Variants in DGKI observed in about 807,000 individuals in gnomAD.
DGKI encodes diacylglycerol kinase iota.
A neutral mutation model predicts 147.5 loss-of-function variants in DGKI; 55 were observed. The ratio of observed to expected loss-of-function variants is 0.37; its 90% confidence interval spans 0.30 to 0.47. DGKI has a LOEUF of 0.47. DGKI is among the 20% of genes least tolerant of loss of function. The pLI, the probability that DGKI is intolerant of heterozygous loss-of-function variation, is 1.00. For synonymous variants in DGKI, 469 were observed against 477.1 expected, an observed-to-expected ratio of 0.98 and a Z score of 0.22; for missense variants, 1,007 against 1,323.8, an observed-to-expected ratio of 0.76 and a Z score of 3.71.
intron 23 of DGKI, among the ~76,000 whole-genome samples, chr7:137,483,826 T>G (rs940269457): frequency 1.2e-4 from 19 of 152,144 alleles, no homozygotes; most frequent in African/African-American, 4.3e-4. Context: ...TGTACCACAC[T>G]TTCTTTATCC....
chr7:137,503,735 T>C (rs1380479181), intron 21 of DGKI, among the ~76,000 whole-genome samples: 2 of 152,172 alleles, frequency 1.3e-5, no homozygotes, highest in Admixed American at 1.3e-4. Context: ...TTTTACAATA[T>C]AGTATGTAAA....
chr7:137,475,594 A>C (rs906944320), intron 23 of DGKI, among the ~76,000 whole-genome samples: 1 of 152,212 alleles, frequency 6.6e-6, no homozygotes, highest in African/African-American at 2.4e-5. Flanking sequence ...ACTGTGATCA[A>C]CCTTTTTAAT....
At position 137,531,830 on chromosome 7, in the gene DGKI, T is replaced by G. The variant is rs552063349; in HGVS notation, c.2148-9864A>C. Reference sequence around the variant, plus strand: ...GTCATTTCACAGAAGAAAACACTTGTGGTCTTTCATACCAACCATGAAGAA... The same window carrying G: ...GTCATTTCACAGAAGAAAACACTTGGGGTCTTTCATACCAACCATGAAGAA... On this transcript the variant is annotated intron_variant, in intron 20 of 32. Coordinates refer to ENST00000614521, the MANE Select transcript of DGKI (RefSeq NM_001321708.2). 2.6e-5 allele frequency among the ~76,000 whole-genome samples: 4 copies of G among 152,338 alleles called. No homozygotes were observed. The South Asian group carries it at 8.3e-4, about 32-fold the overall frequency.
At chr7:137,446,991 C>T (rs554327783) in intron 27 of DGKI, among the ~76,000 whole-genome samples, 1 of 152,304 alleles carries the variant, frequency 6.6e-6, no homozygotes, top group African/African-American at 2.4e-5. Flanking sequence ...AGCATCTGCC[C>T]TTATAGTGTA....
chr7:137,561,435 G>A (rs1818416464), intron 19 of DGKI, among the ~76,000 whole-genome samples: 2 of 151,736 alleles, frequency 1.3e-5, no homozygotes, highest in South Asian at 4.2e-4. Context: ...GAAAGGGAGG[G>A]ACAGGAAAAA....
At chr7:137,555,225 C>T (rs909645168) in intron 19 of DGKI, among the ~76,000 whole-genome samples, 1 of 149,000 alleles carries the variant, frequency 6.7e-6, no homozygotes, top group African/African-American at 2.5e-5. Context: ...AAATTATTTT[C>T]TTTATTAAAA....
chr7:137,585,180 C>T (rs1276401370), intron 14 of DGKI, 29 bp downstream of exon 14: 4 of 1,613,460 alleles, frequency 2.5e-6, no homozygotes, highest in East Asian at 2.2e-5. Flanking sequence ...CTCCAGGGCT[C>T]CTTTCTGCAG....
At chr7:137,725,198 T>C (rs1329051701) in intron 1 of DGKI, among the ~76,000 whole-genome samples, 1 of 152,196 alleles carries the variant, frequency 6.6e-6, no homozygotes, top group African/African-American at 2.4e-5. Flanking sequence ...CTACTTCTTA[T>C]GCTTCTTTCC....
intron 32 of DGKI, among the ~76,000 whole-genome samples, chr7:137,392,456 T>G (rs1431972087): frequency 6.6e-6 from 1 of 152,184 alleles, no homozygotes. Context: ...AATAGCTCCA[T>G]GTACAAATGC....
chr7:137,397,601 A>C (rs1397924568), intron 30 of DGKI, among the ~76,000 whole-genome samples, 188 bp from the exon 31 acceptor site: 1 of 152,208 alleles, frequency 6.6e-6, no homozygotes. Flanking sequence ...TCCATGAACC[A>C]ATATGTACAG....
intron 20 of DGKI, chr7:137,546,092 A>C (rs1003141377): frequency 1.8e-6 from 1 of 552,938 alleles, no homozygotes; most frequent in African/African-American, 1.9e-5. Context: ...ATCACCGAAC[A>C]GCGAAGGAAA....
intron 1 of DGKI, among the ~76,000 whole-genome samples, chr7:137,777,606 A>G (rs1456271059): frequency 6.6e-6 from 1 of 152,254 alleles, no homozygotes; most frequent in African/African-American, 2.4e-5. Context: ...ACTTTAAGTC[A>G]TATCTCAACA....
intron 1 of DGKI, among the ~76,000 whole-genome samples, chr7:137,784,328 A>G (rs1282676912): frequency 6.6e-6 from 1 of 152,202 alleles, no homozygotes; most frequent in South Asian, 2.1e-4. Flanking sequence ...AGCAATTCTT[A>G]TATCAGGCAA....
chr7:137,511,134 A>G (rs1193047929), intron 21 of DGKI, among the ~76,000 whole-genome samples: 1 of 152,260 alleles, frequency 6.6e-6, no homozygotes, highest in African/African-American at 2.4e-5. Flanking sequence ...AGATTAGCTT[A>G]CACTTCCGCC....
At chr7:137,763,026 T>C (rs559375595) in intron 1 of DGKI, among the ~76,000 whole-genome samples, 2 of 152,368 alleles carry the variant, frequency 1.3e-5, no homozygotes, top group East Asian at 1.9e-4. Context: ...TTGATTTCCA[T>C]GTTCTCTTTA....
intron 12 of DGKI, among the ~76,000 whole-genome samples, chr7:137,594,698 A>G (rs1019510778): frequency 6.6e-6 from 1 of 152,214 alleles, no homozygotes; most frequent in Non-Finnish European, 1.5e-5. Flanking sequence ...TTCTTCATGA[A>G]TTCCTCAGGC....
chr7:137,464,253 T>C (rs1309982473), intron 26 of DGKI, among the ~76,000 whole-genome samples: 4 of 95,778 alleles, frequency 4.2e-5, no homozygotes, highest in Non-Finnish European at 5.7e-5. Context: ...CGAGACTCCA[T>C]CTCAAAAAAA....
At chr7:137,518,140 A>G (rs2128950952) in intron 21 of DGKI, among the ~76,000 whole-genome samples, 1 of 152,172 alleles carries the variant, frequency 6.6e-6, no homozygotes, top group East Asian at 1.9e-4. Flanking sequence ...AACAACAACC[A>G]CCACAAGCAT....
At chr7:137,604,909 G>A (rs1217149906) in intron 10 of DGKI, among the ~76,000 whole-genome samples, 3 of 152,152 alleles carry the variant, frequency 2.0e-5, no homozygotes, top group Admixed American at 6.6e-5. Context: ...GAAGTGTAAG[G>A]GAGGGGACGT....
Sources: allele counts gnomAD v4.1 joint callset (sites outside exome capture counted in the v4.1 genomes callset), GRCh38; gene constraint gnomAD v4.1.1; transcripts MANE v1.5; gene names NCBI Gene and HGNC (gene_info 2026-07-23, HGNC 2026-07-21).